Variants in DRC11 observed in about 807,000 individuals in gnomAD.
DRC11 encodes the protein dynein regulatory complex subunit 11.
chr2:236,422,643 T>G, the DRC11 span, among the ~76,000 whole-genome samples: 1 of 152,154 alleles, frequency 6.6e-6, no homozygotes, highest in Non-Finnish European at 1.5e-5. Context: ...AATTTATAGA[T>G]TCAATGTCAT....
At chr2:236,312,009 C>CT in the DRC11 span, among the ~76,000 whole-genome samples, 1 of 152,056 alleles carries the variant, frequency 6.6e-6, no homozygotes, top group South Asian at 2.1e-4. Flanking sequence ...TAGATACAAG[C>CT]TTTTGTGTTG....
chr2:236,408,711 T>C, the DRC11 span: 1 of 711,948 alleles, frequency 1.4e-6, no homozygotes, highest in Non-Finnish European at 2.6e-6. The surrounding 1 kb of genome is among the most constrained non-coding windows in gnomAD (Gnocchi z 5.5). Context: ...TTTATGCCAG[T>C]TGTTAGAGAA....
the DRC11 span, among the ~76,000 whole-genome samples, chr2:236,471,317 C>A: frequency 1.3e-5 from 2 of 152,034 alleles, no homozygotes; most frequent in East Asian, 1.9e-4. This position sits in a 1 kb window ranked among gnomAD's most constrained non-coding sequence, Gnocchi z 4.6. Flanking sequence ...GTACTATAGA[C>A]CATACTTTTA....
the DRC11 span, among the ~76,000 whole-genome samples, chr2:236,476,958 G>T: frequency 5.1e-4 from 78 of 152,174 alleles, no homozygotes; most frequent in African/African-American, 1.8e-3. This position sits in a 1 kb window ranked among gnomAD's most constrained non-coding sequence, Gnocchi z 4.7. Context: ...GTGTCCATGT[G>T]TTCTCCTTGT....
At chr2:236,381,625 C>T in the DRC11 span, among the ~76,000 whole-genome samples, 1 of 152,252 alleles carries the variant, frequency 6.6e-6, no homozygotes, top group Admixed American at 6.5e-5. This position sits in a 1 kb window ranked among gnomAD's most constrained non-coding sequence, Gnocchi z 5.8. Context: ...CCCTCAGGGC[C>T]TGGCAACAGT....
At chr2:236,475,466 T>C in the DRC11 span, among the ~76,000 whole-genome samples, 42 of 152,292 alleles carry the variant, frequency 2.8e-4, no homozygotes, top group Middle Eastern at 3.4e-3. The surrounding 1 kb of genome is among the most constrained non-coding windows in gnomAD (Gnocchi z 4.8). Context: ...CTTCAATGTA[T>C]TGGTCTCCTT....
the DRC11 span, among the ~76,000 whole-genome samples, chr2:236,394,638 G>T: frequency 1.3e-5 from 2 of 152,178 alleles, no homozygotes; most frequent in African/African-American, 4.8e-5. This position sits in a 1 kb window ranked among gnomAD's most constrained non-coding sequence, Gnocchi z 7.0. Flanking sequence ...AAAAAAAGTG[G>T]GTTGGGTTCA....
At chr2:236,491,201 TATATATATATAC>T in the DRC11 span, among the ~76,000 whole-genome samples, 75 of 61,598 alleles carry the variant, frequency 1.2e-3, 11 homozygotes, top group Non-Finnish European at 2.2e-3. Context: ...TATATATATA[TATATATATATAC>T]ACACAGTATA....
the DRC11 span, among the ~76,000 whole-genome samples, chr2:236,331,192 T>C: frequency 6.6e-6 from 1 of 152,210 alleles, no homozygotes; most frequent in Non-Finnish European, 1.5e-5. The surrounding 1 kb of genome is among the most constrained non-coding windows in gnomAD (Gnocchi z 4.8). Flanking sequence ...GGAAGATACA[T>C]GCTTTACTGC....
At chr2:236,477,193 C>T in the DRC11 span, among the ~76,000 whole-genome samples, 1 of 152,138 alleles carries the variant, frequency 6.6e-6, no homozygotes, top group Non-Finnish European at 1.5e-5. Context: ...AAAAAATCTA[C>T]AAATAGCATT....
chr2:236,368,298 T>G, the DRC11 span: 1 of 1,566,908 alleles, frequency 6.4e-7, no homozygotes, highest in Non-Finnish European at 8.7e-7. Flanking sequence ...GTAGCTGTAC[T>G]CACCTGGAGA....
the DRC11 span, among the ~76,000 whole-genome samples, chr2:236,421,740 T>C: frequency 6.6e-6 from 1 of 152,188 alleles, no homozygotes; most frequent in Non-Finnish European, 1.5e-5. Context: ...TACCAAAGCC[T>C]GGCAGAGACA....
chr2:236,497,435 C>T, the DRC11 span: 392 of 1,613,714 alleles, frequency 2.4e-4, no homozygotes, highest in Middle Eastern at 2.6e-3. This position sits in a 1 kb window ranked among gnomAD's most constrained non-coding sequence, Gnocchi z 5.1. Flanking sequence ...GGCTCTTTAT[C>T]GAGTAAAGCA....
At chr2:236,402,914 T>C in the DRC11 span, among the ~76,000 whole-genome samples, 1 of 152,250 alleles carries the variant, frequency 6.6e-6, no homozygotes, top group African/African-American at 2.4e-5. The surrounding 1 kb of genome is among the most constrained non-coding windows in gnomAD (Gnocchi z 6.0). Flanking sequence ...AGTATATTTA[T>C]CCTCAGATAT....
At chr2:236,442,875 A>G in the DRC11 span, among the ~76,000 whole-genome samples, 1 of 152,158 alleles carries the variant, frequency 6.6e-6, no homozygotes, top group East Asian at 1.9e-4. Flanking sequence ...CTTCAGGTTC[A>G]TCTGATTCAC....
the DRC11 span, among the ~76,000 whole-genome samples, chr2:236,480,222 T>C: frequency 2.6e-5 from 4 of 152,132 alleles, no homozygotes; most frequent in Non-Finnish European, 4.4e-5. Context: ...GATAGTCTTA[T>C]TTGGGTTGAA....
chr2:236,455,659 G>A, the DRC11 span, among the ~76,000 whole-genome samples: 1 of 152,158 alleles, frequency 6.6e-6, no homozygotes, highest in African/African-American at 2.4e-5. The surrounding 1 kb of genome is among the most constrained non-coding windows in gnomAD (Gnocchi z 5.7). Context: ...GGAATCTGGA[G>A]GTCTCCCCAG....
the DRC11 span, among the ~76,000 whole-genome samples, chr2:236,436,161 A>C: frequency 6.6e-6 from 1 of 152,106 alleles, no homozygotes; most frequent in South Asian, 2.1e-4. Flanking sequence ...GAGTTTTAAA[A>C]ATTTTTCTTG....
At chr2:236,341,438 G>C in the DRC11 span, among the ~76,000 whole-genome samples, 1 of 152,254 alleles carries the variant, frequency 6.6e-6, no homozygotes, top group African/African-American at 2.4e-5. Context: ...AGTGGCAGGG[G>C]TTGGAGTGGA....
Sources: gnomAD v4.1 joint callset for allele counts (sites outside exome capture counted in the v4.1 genomes callset) on GRCh38, gnomAD v4.1.1 for gene constraint, Gnocchi (gnomAD v3.1) non-coding constraint, MANE v1.5 for transcripts, NCBI Gene and HGNC (gene_info 2026-07-23, HGNC 2026-07-21) for gene names.